The following KAT7 variants were observed in gnomAD, a reference collection of about 807,000 sequenced individuals.
The protein encoded by KAT7 is lysine acetyltransferase 7.
KAT7 carries 10 observed loss-of-function variants against 82.1 expected under a neutral mutation model. The ratio of observed to expected loss-of-function variants is 0.12; its 90% CI spans 0.08 to 0.21. KAT7 has a LOEUF of 0.21. Among genes scored for constraint, KAT7 ranks in the 10% least tolerant of loss-of-function variants. KAT7 has a pLI of 1.00. For missense variants in KAT7, 378 were observed against 760.9 expected (o/e 0.50, Z 5.92); for synonymous variants, 250 against 262.5 (o/e 0.95, Z 0.46).
In KAT7 at chr17:49,830,511, A is replaced by G. The variant is rs933435411; in HGVS notation, c.*3009A>G. ...CTTTTAACTCCCTCTTATCTGCATAACAGAAGCTTAGCTGCTTAAGCTCCT... is the reference window on the plus strand; with the variant it reads ...CTTTTAACTCCCTCTTATCTGCATAGCAGAAGCTTAGCTGCTTAAGCTCCT... On this transcript the variant is annotated 3_prime_UTR_variant, in exon 15 of 15. Transcript: ENST00000259021. The G allele has an allele frequency of 2.6e-5, 4 of 152,186 alleles. No individual in the cohort carries two copies. The highest frequency in any genetic ancestry group is 4.4e-5 in the Non-Finnish European group (3 of 68,034). The allele number at this position is 152,186 out of a possible 1,614,324, so 9.4% of individuals were successfully genotyped here. A position where few individuals can be genotyped will look rare whatever the true frequency, so the allele number is the denominator to read the frequency against.
rs979495808 is a variant in KAT7 at position 49,828,643 on chromosome 17, G to C, written c.*1141G>C. 6.6e-6 allele frequency: 1 copy of C among 152,588 alleles called. No individual in the cohort carries two copies. The highest frequency in any genetic ancestry group is 1.5e-5 in the Non-Finnish European group (1 of 68,042). The allele number at this position is 152,588 out of a possible 1,614,324, so 9.5% of individuals were successfully genotyped here. On this transcript the variant is annotated 3_prime_UTR_variant, in exon 15 of 15. Coordinates refer to ENST00000259021, the MANE Select transcript of KAT7 (RefSeq NM_007067.5). Reference sequence around the variant, plus strand: ...CTCCTCCATTTCCTTTTTGGGATTTGTCACCATCCTTCTATTCTCTGGTCT... The same window carrying C: ...CTCCTCCATTTCCTTTTTGGGATTTCTCACCATCCTTCTATTCTCTGGTCT...
intron 12 of KAT7, among the ~76,000 whole-genome samples, 153 bp from the exon 13 acceptor site, chr17:49,825,847 A>G (rs961645640): frequency 1.3e-5 from 2 of 152,208 alleles, no homozygotes; most frequent in Non-Finnish European, 2.9e-5. Flanking sequence ...AAGGCAGTAT[A>G]CTATAGTTAA....
Position 49,828,494 on chromosome 17 carries a change from C to A in KAT7, c.*992C>A, listed in dbSNP as rs887706227. The A allele has an allele frequency of 2.6e-5, 4 of 152,586 alleles. No individual in the cohort carries two copies. The highest frequency in any genetic ancestry group is 9.7e-5 in the African/African-American group (4 of 41,420). The allele number at this position is 152,586 out of a possible 1,614,324, so 9.5% of individuals were successfully genotyped here. On this transcript the variant is annotated 3_prime_UTR_variant, in exon 15 of 15. Transcript: ENST00000259021. ...AGAAGTAGAAAATGATTGAAAGTGA[C>A]TTCCGTATCTCAGCCCATGACTCAG...
intron 5 of KAT7, among the ~76,000 whole-genome samples, chr17:49,806,405 CT>C (rs1329711933): frequency 6.6e-6 from 1 of 152,226 alleles, no homozygotes; most frequent in Non-Finnish European, 1.5e-5. Flanking sequence ...TGACCCTACT[CT>C]TATTTTTCTT....
intron 1 of KAT7, among the ~76,000 whole-genome samples, chr17:49,790,168 T>G (rs930592037): frequency 6.6e-6 from 1 of 152,118 alleles, no homozygotes; most frequent in Non-Finnish European, 1.5e-5. Flanking sequence ...TAAAATGACC[T>G]CAGCTGGTGG....
chr17:49,821,346 G>A lies in KAT7; in HGVS notation c.1165G>A (p.Val389Met). Reference protein sequence around the residue: ...TILRRHMAKCVWKHPPGDEIY... With the variant: ...TILRRHMAKCMWKHPPGDEIY... Reference sequence around the variant, plus strand: ...TTTCATTGTCTTGCAGGCCAAATGTGTGTGGAAACACCCACCTGGTGATGA... The same window carrying A: ...TTTCATTGTCTTGCAGGCCAAATGTATGTGGAAACACCCACCTGGTGATGA... The change falls in exon 10 of 15, where the codon GTG (valine) becomes ATG (methionine). Residue 389 changes from valine to methionine, a missense_variant. Val to Met is a conservative substitution (Grantham distance 21). This residue lies in a region of KAT7 where 37 missense variants were observed against 98.6 expected (regional missense o/e 0.38). Transcript: ENST00000259021. 1.9e-6 allele frequency: 3 copies of A among 1,613,408 alleles called. No homozygotes were observed. Among genetic ancestry groups the A allele is most frequent in the South Asian group, 1.1e-5 (1 of 91,022 alleles).
At chr17:49,790,677 T>C (rs1324934855) in intron 1 of KAT7, among the ~76,000 whole-genome samples, 3 of 152,248 alleles carry the variant, frequency 2.0e-5, no homozygotes, top group East Asian at 1.9e-4. Context: ...ATGGTTTTTG[T>C]GTGTCTCATT....
intron 2 of KAT7, among the ~76,000 whole-genome samples, chr17:49,792,785 A>C (rs1433448185): frequency 6.6e-6 from 1 of 152,050 alleles, no homozygotes; most frequent in Non-Finnish European, 1.5e-5. Context: ...CTAAGCTATG[A>C]TGCTCGGTAG....
At chr17:49,824,821 AC>A (rs971456962) in intron 12 of KAT7, 7 of 152,004 alleles carry the variant, frequency 4.6e-5, no homozygotes, top group Non-Finnish European at 7.4e-5. Context: ...TATACCCATC[AC>A]CCAGCTTCAG....
In KAT7 at chr17:49,798,481, A is replaced by G. The variant is rs1461988298; in HGVS notation, c.503A>G (p.His168Arg). 8 of 1,614,196 alleles carry G rather than the reference A, an allele frequency of 5.0e-6. No individual in the cohort carries two copies. The highest frequency in any genetic ancestry group is 5.9e-6 in the Non-Finnish European group (7 of 1,180,016). ...AAGGACTCAGGCAGTGATCTCTCTCATCGCCCCAAGCGCCGTCGCTTCCAT... is the reference window on the plus strand; with the variant it reads ...AAGGACTCAGGCAGTGATCTCTCTCGTCGCCCCAAGCGCCGTCGCTTCCAT... ...SLKDSGSDLS[H>R]RPKRRRFHES... Residue 168 changes from histidine (H) to arginine (R), a missense_variant, in exon 4 of 15, where the codon CAT becomes CGT. By Grantham distance (29) the His-to-Arg change is conservative. Transcript: ENST00000259021.
At chr17:49,806,123 A>G (rs949224232) in intron 5 of KAT7, among the ~76,000 whole-genome samples, 5 of 152,222 alleles carry the variant, frequency 3.3e-5, no homozygotes, top group African/African-American at 1.2e-4. Flanking sequence ...TTGCTTGAGT[A>G]GTATTGGACA....
chr17:49,811,618 C>A, intron 7 of KAT7, 44 bp downstream of exon 7: 1 of 986,728 alleles, frequency 1.0e-6, no homozygotes, highest in Non-Finnish European at 1.4e-6. Context: ...CTCCTGCTAT[C>A]ACATTTGATT....
intron 14 of KAT7, 56 bp from the exon 15 acceptor site, chr17:49,827,345 T>C: frequency 9.5e-7 from 1 of 1,053,418 alleles, no homozygotes; most frequent in East Asian, 2.4e-5. Context: ...TTGGAATCTA[T>C]GTAAAGGCAC....
At chr17:49,825,722 A>G (rs2074360888) in intron 12 of KAT7, among the ~76,000 whole-genome samples, 1 of 152,224 alleles carries the variant, frequency 6.6e-6, no homozygotes, top group Admixed American at 6.5e-5. Flanking sequence ...AGGATTTGGT[A>G]CTACCCACAG....
chr17:49,812,341 C>T (rs1166738332), intron 7 of KAT7, among the ~76,000 whole-genome samples: 1 of 150,450 alleles, frequency 6.6e-6, no homozygotes, highest in East Asian at 2.0e-4. Context: ...TCTCCCGCCT[C>T]AGCCTCCCGA....
chr17:49,807,693 G>T (rs1163240756), intron 5 of KAT7, among the ~76,000 whole-genome samples: 2 of 152,166 alleles, frequency 1.3e-5, no homozygotes, highest in Middle Eastern at 3.2e-3. Context: ...TTGGGAAACT[G>T]CATGGAAGTT....
In KAT7 at chr17:49,833,170, T is replaced by C. The variant is rs1436689267; in HGVS notation, c.*5668T>C. Reference sequence around the variant, plus strand: ...TTTGGGGGTTTGCGGATTTGTTTACTTGTGCCCAAGAATGGAGAAAATAAC... The same window carrying C: ...TTTGGGGGTTTGCGGATTTGTTTACCTGTGCCCAAGAATGGAGAAAATAAC... On this transcript the variant is annotated 3_prime_UTR_variant, in exon 15 of 15. Transcript: ENST00000259021. 1.3e-5 allele frequency: 2 copies of C among 152,248 alleles called. No individual in the cohort carries two copies. The highest frequency in any genetic ancestry group is 1.3e-4 in the Admixed American group (2 of 15,284). The allele number at this position is 152,248 out of a possible 1,614,324, so 9.4% of individuals were successfully genotyped here.
At chr17:49,804,076 C>A (rs1598063142) in intron 4 of KAT7, among the ~76,000 whole-genome samples, 2 of 151,876 alleles carry the variant, frequency 1.3e-5, no homozygotes, top group Admixed American at 6.6e-5. Flanking sequence ...TTCAAAAAAA[C>A]CAAATGAAAA....
In KAT7 at chr17:49,823,195, A is replaced by C. The variant is rs185829715; in HGVS notation, c.1387-7A>C. ...TGACGTGTTCATCTGTTTGCTCTTG[A>C]TTTTAGGAAAAGAATTCATTCCTCA... On this transcript the variant is annotated splice_region_variant and splice_polypyrimidine_tract_variant and intron_variant, in intron 11 of 14. Transcript: ENST00000259021. 59 of 1,533,894 alleles carry C rather than the reference A, an allele frequency of 3.8e-5. No individual in the cohort carries two copies. The Admixed American group carries it at 7.9e-4, about 20-fold the overall frequency.
Sources: gnomAD v4.1 joint callset for allele counts (sites outside exome capture counted in the v4.1 genomes callset) on GRCh38, gnomAD v4.1.1 for gene constraint, gnomAD v4.1.1 regional missense constraint, MANE v1.5 for transcripts, NCBI Gene and HGNC (gene_info 2026-07-23, HGNC 2026-07-21) for gene names.